The following GRM8 variants were observed in gnomAD, a reference collection of about 807,000 sequenced individuals.
GRM8 encodes glutamate metabotropic receptor 8.
A neutral mutation model predicts 87.2 loss-of-function variants in GRM8; 47 were observed. That is an observed-to-expected ratio of 0.54 (90% CI 0.43 to 0.69). GRM8 has a LOEUF of 0.69. Ranked by LOEUF, GRM8 falls within the 30% of genes least tolerant of loss-of-function variation. The pLI is 0.00. For synonymous variants in GRM8, 396 were observed against 404.5 expected (o/e 0.98, Z 0.25); for missense variants, 1,019 against 1,139.2 (o/e 0.89, Z 1.52).
chr7:126,505,636 T>G (rs965977491), intron 9 of GRM8, among the ~76,000 whole-genome samples: 2 of 152,076 alleles, frequency 1.3e-5, no homozygotes, highest in African/African-American at 4.8e-5. Context: ...TCTAGATGTC[T>G]CCTGCCCCGC....
intron 6 of GRM8, among the ~76,000 whole-genome samples, chr7:126,831,371 C>T (rs7783173): frequency 0.21 from 31,327 of 152,146 alleles, 3,633 homozygotes; most frequent in East Asian, 0.5. Context: ...TCGAGCTTCC[C>T]GGCTGCTTTG....
chr7:126,720,548 C>T (rs1391774749), intron 7 of GRM8, among the ~76,000 whole-genome samples: 1 of 151,974 alleles, frequency 6.6e-6, no homozygotes, highest in Non-Finnish European at 1.5e-5. Context: ...TAACTTTTAA[C>T]CAAAAATGTT....
At chr7:127,193,746 C>A (rs1245263229) in intron 2 of GRM8, among the ~76,000 whole-genome samples, 3 of 152,210 alleles carry the variant, frequency 2.0e-5, no homozygotes, top group Admixed American at 2.0e-4. Flanking sequence ...AATACTCTCA[C>A]AGTTTAGGAA....
At chr7:127,181,414 A>T (rs1254264203) in intron 2 of GRM8, among the ~76,000 whole-genome samples, 2 of 152,156 alleles carry the variant, frequency 1.3e-5, no homozygotes, top group African/African-American at 4.8e-5. Flanking sequence ...GAAAATGACC[A>T]TACTGCCAAA....
intron 2 of GRM8, among the ~76,000 whole-genome samples, chr7:127,236,637 AG>A (rs1211945181): frequency 1.3e-5 from 2 of 152,176 alleles, no homozygotes; most frequent in Non-Finnish European, 2.9e-5. Flanking sequence ...TGGGGATTAT[AG>A]GGATTACATT....
intron 3 of GRM8, among the ~76,000 whole-genome samples, chr7:126,974,891 G>A (rs1367574539): frequency 5.7e-5 from 7 of 123,818 alleles, no homozygotes; most frequent in African/African-American, 1.9e-4. Flanking sequence ...AGCCAAAATC[G>A]CGCCACTGCG....
chr7:127,182,635 GT>G (rs1563563587), intron 2 of GRM8, among the ~76,000 whole-genome samples: 22 of 9,316 alleles, frequency 2.4e-3, no homozygotes, highest in African/African-American at 4.8e-3. Context: ...AAAGTGTGGT[GT>G]GTGTGTGTGT....
intron 8 of GRM8, among the ~76,000 whole-genome samples, chr7:126,547,553 C>G (rs1430318379): frequency 6.6e-6 from 1 of 151,316 alleles, no homozygotes; most frequent in Non-Finnish European, 1.5e-5. Context: ...AATGAAGACT[C>G]AATAGAATAA....
chr7:126,643,126 C>A (rs1360613335), intron 7 of GRM8, among the ~76,000 whole-genome samples: 1 of 150,000 alleles, frequency 6.7e-6, no homozygotes. Context: ...CCCGTCTCTA[C>A]CAAAATACAA....
chr7:126,578,894 C>A (rs547541512), intron 8 of GRM8, among the ~76,000 whole-genome samples: 7 of 152,234 alleles, frequency 4.6e-5, no homozygotes, highest in Non-Finnish European at 1.0e-4. Context: ...ATCCTGGCCT[C>A]ATCCATTTGA....
chr7:126,660,048 T>C (rs1054791822), intron 7 of GRM8, among the ~76,000 whole-genome samples: 2 of 152,226 alleles, frequency 1.3e-5, no homozygotes, highest in Non-Finnish European at 1.5e-5. Flanking sequence ...TTAGTTTTTA[T>C]GTAGCTAAAT....
chr7:126,836,487 T>C (rs1795838563), intron 6 of GRM8, among the ~76,000 whole-genome samples: 1 of 152,190 alleles, frequency 6.6e-6, no homozygotes, highest in Non-Finnish European at 1.5e-5. Context: ...TCTGCTGAGC[T>C]GCCCCCTGCC....
intron 7 of GRM8, among the ~76,000 whole-genome samples, chr7:126,656,108 G>A (rs1243073706): frequency 6.6e-6 from 1 of 152,138 alleles, no homozygotes; most frequent in Non-Finnish European, 1.5e-5. Flanking sequence ...GGAAGAGTGG[G>A]GTTACAAATT....
At chr7:127,085,536 T>G (rs1823379950) in intron 3 of GRM8, among the ~76,000 whole-genome samples, 1 of 152,254 alleles carries the variant, frequency 6.6e-6, no homozygotes, top group Non-Finnish European at 1.5e-5. Flanking sequence ...ATTGTGGTTT[T>G]GATTTGCATT....
intron 7 of GRM8, among the ~76,000 whole-genome samples, chr7:126,620,691 C>CTGTTATAAG (rs5887299): frequency 6.6e-6 from 1 of 151,632 alleles, no homozygotes; most frequent in Non-Finnish European, 1.5e-5. Context: ...CCTTCCTAAA[C>CTGTTATAAG]TGTTGCATGA....
At chr7:127,158,754 T>C (rs1792897797) in intron 2 of GRM8, among the ~76,000 whole-genome samples, 1 of 151,756 alleles carries the variant, frequency 6.6e-6, no homozygotes, top group Non-Finnish European at 1.5e-5. Flanking sequence ...GGTTCTAACA[T>C]GTGAATTCGT....
chr7:126,845,518 T>A lies in GRM8; in HGVS notation c.1156+57024A>T, dbSNP rs1429511469. Among the ~76,000 whole-genome samples, 3 of 152,274 alleles carry A rather than the reference T, an allele frequency of 2.0e-5. No individual in the cohort carries two copies. The East Asian group carries it at 5.8e-4, about 29-fold the overall frequency. ...TCACAATCTGCACAGAAATGAATCATTCATTACTAAACTTCCTTTACACAC... is the reference window on the plus strand; with the variant it reads ...TCACAATCTGCACAGAAATGAATCAATCATTACTAAACTTCCTTTACACAC... On this transcript the variant is annotated intron_variant, in intron 6 of 10. Transcript: ENST00000339582.
At chr7:126,470,459 C>A (rs569751839) in intron 9 of GRM8, among the ~76,000 whole-genome samples, 1 of 150,426 alleles carries the variant, frequency 6.6e-6, no homozygotes, top group African/African-American at 2.4e-5. Context: ...TTTGTCCTTG[C>A]GACAGTTTAC....
intron 6 of GRM8, among the ~76,000 whole-genome samples, chr7:126,783,491 T>C (rs546750224): frequency 1.6e-4 from 25 of 152,320 alleles, no homozygotes; most frequent in African/African-American, 6.0e-4. Context: ...AAGGCATATA[T>C]TTAGTGAGCC....
Sources: allele counts gnomAD v4.1 joint callset (sites outside exome capture counted in the v4.1 genomes callset), GRCh38; gene constraint gnomAD v4.1.1; transcripts MANE v1.5; gene names NCBI Gene and HGNC (gene_info 2026-07-23, HGNC 2026-07-21).